The following GALNTL6 variants were observed in gnomAD, a reference collection of about 807,000 sequenced individuals.
GALNTL6 encodes polypeptide N-acetylgalactosaminyltransferase-like 6.
In GALNTL6, 46 loss-of-function variants were observed where a neutral mutation model predicts 73.7. That is an observed-to-expected ratio of 0.62 (90% CI 0.49 to 0.80). The LOEUF (loss-of-function observed/expected upper bound fraction) is 0.80. Ranked by LOEUF, GALNTL6 falls within the 30% of genes least tolerant of loss-of-function variation. GALNTL6 has a pLI of 0.00. For synonymous variants in GALNTL6, 259 were observed against 263.7 expected, an observed-to-expected ratio of 0.98 and a Z score of 0.17; for missense variants, 604 against 755.0, an observed-to-expected ratio of 0.80 and a Z score of 2.34.
Position 172,072,600 on chromosome 4 carries a change from T to C in GALNTL6, c.139-157056T>C, listed in dbSNP as rs1312643881. On this transcript the variant is annotated intron_variant, in intron 2 of 12. Transcript: ENST00000506823. The stretch of plus-strand genomic sequence containing the variant: ...CCTCACAACGTACTGTACTGTCCAC[T>C]CCCAAACCATATACTTCCCAGTAAA... Among the ~76,000 whole-genome samples the C allele has an allele frequency of 3.3e-5, 5 of 152,158 alleles. No individual in the cohort carries two copies. In the East Asian group the frequency reaches 9.6e-4, roughly 29 times the overall value.
intron 5 of GALNTL6, among the ~76,000 whole-genome samples, chr4:172,460,025 C>A (rs760249634): frequency 6.6e-6 from 1 of 152,026 alleles, no homozygotes; most frequent in Admixed American, 6.6e-5. Flanking sequence ...ATATATAGAC[C>A]AATGGAACGG....
intron 2 of GALNTL6, among the ~76,000 whole-genome samples, chr4:171,888,472 G>T (rs1736667084): frequency 6.6e-6 from 1 of 151,592 alleles, no homozygotes; most frequent in Admixed American, 6.6e-5. Context: ...TAATCAAATC[G>T]AGAGGAAGAG....
At chr4:172,766,889 A>C (rs576761057) in intron 5 of GALNTL6, among the ~76,000 whole-genome samples, 1 of 152,350 alleles carries the variant, frequency 6.6e-6, no homozygotes, top group South Asian at 2.1e-4. Flanking sequence ...TATTTGGAGA[A>C]GGAATTTATT....
chr4:172,941,844 A>G (rs1370177941), intron 9 of GALNTL6, among the ~76,000 whole-genome samples: 4 of 152,232 alleles, frequency 2.6e-5, no homozygotes, highest in Non-Finnish European at 5.9e-5. Flanking sequence ...CGTCTAAGCC[A>G]TGGGAGCACC....
At chr4:172,560,912 A>C (rs539414026) in intron 5 of GALNTL6, among the ~76,000 whole-genome samples, 1 of 152,196 alleles carries the variant, frequency 6.6e-6, no homozygotes, top group Non-Finnish European at 1.5e-5. Context: ...CATAGATACT[A>C]TTATTAACAT....
intron 3 of GALNTL6, among the ~76,000 whole-genome samples, chr4:172,262,914 AT>A: frequency 6.6e-6 from 1 of 151,262 alleles, no homozygotes. Context: ...TTGGCTGACA[AT>A]TTTTTTTGTT....
chr4:171,861,076 C>T (rs1252431350), intron 2 of GALNTL6, among the ~76,000 whole-genome samples: 2 of 152,134 alleles, frequency 1.3e-5, no homozygotes, highest in Non-Finnish European at 2.9e-5. Flanking sequence ...TGTCCAATAT[C>T]GTATTGTACA....
intron 2 of GALNTL6, among the ~76,000 whole-genome samples, chr4:171,983,327 G>T (rs1231331165): frequency 6.6e-6 from 1 of 152,092 alleles, no homozygotes; most frequent in Admixed American, 6.6e-5. Context: ...GAACTAGTTT[G>T]CTCTATTCCT....
intron 5 of GALNTL6, among the ~76,000 whole-genome samples, chr4:172,355,951 A>G (rs935714484): frequency 2.6e-5 from 4 of 152,162 alleles, no homozygotes; most frequent in Non-Finnish European, 5.9e-5. Context: ...TGGAAAGTCT[A>G]TCCTGGGCTC....
At chr4:172,128,215 C>G (rs1227734965) in intron 2 of GALNTL6, among the ~76,000 whole-genome samples, 2 of 152,040 alleles carry the variant, frequency 1.3e-5, no homozygotes, top group Non-Finnish European at 2.9e-5. Flanking sequence ...GCTTACTGAT[C>G]AAAGATGCTT....
intron 5 of GALNTL6, among the ~76,000 whole-genome samples, chr4:172,653,114 C>G (rs569577943): frequency 7.2e-5 from 11 of 151,924 alleles, no homozygotes; most frequent in Non-Finnish European, 1.3e-4. Flanking sequence ...TCATCTCCTG[C>G]TTGCTTTAAC....
chr4:171,997,071 C>T (rs1740516738), intron 2 of GALNTL6, among the ~76,000 whole-genome samples: 1 of 152,124 alleles, frequency 6.6e-6, no homozygotes, highest in Non-Finnish European at 1.5e-5. Flanking sequence ...CTGCAGAATA[C>T]TCTTGATTAT....
intron 2 of GALNTL6, among the ~76,000 whole-genome samples, chr4:172,228,185 G>A (rs1736931650): frequency 6.6e-6 from 1 of 151,946 alleles, no homozygotes; most frequent in Non-Finnish European, 1.5e-5. Flanking sequence ...CCCCAAAACT[G>A]TACTTTTCCA....
At position 172,701,663 on chromosome 4, in the gene GALNTL6, C is replaced by T. The variant is rs548089063; in HGVS notation, c.554-107698C>T. On this transcript the variant is annotated intron_variant, in intron 5 of 12. Coordinates refer to ENST00000506823, the MANE Select transcript of GALNTL6 (RefSeq NM_001034845.3). ...AGGACCTCAAGAAATGGAGGTTCCA[C>T]GAAAGAAAACTATTGCCAGGTCTCT... Among the ~76,000 whole-genome samples the T allele has an allele frequency of 3.9e-5, 6 of 152,094 alleles. No individual in the cohort carries two copies. In the South Asian group the frequency reaches 6.2e-4, roughly 16 times the overall value.
chr4:172,847,408 G>T (rs574603407), intron 7 of GALNTL6, among the ~76,000 whole-genome samples: 2 of 151,860 alleles, frequency 1.3e-5, no homozygotes, highest in African/African-American at 4.8e-5. Context: ...GTTAAGACAC[G>T]TGCACAAATG....
chr4:172,476,542 C>T (rs2111472673), intron 5 of GALNTL6, among the ~76,000 whole-genome samples: 1 of 152,254 alleles, frequency 6.6e-6, no homozygotes, highest in Non-Finnish European at 1.5e-5. Flanking sequence ...ACTGTTATAC[C>T]TACTTGTTAA....
intron 5 of GALNTL6, among the ~76,000 whole-genome samples, chr4:172,416,925 A>C (rs1323822338): frequency 6.6e-6 from 1 of 152,164 alleles, no homozygotes; most frequent in Non-Finnish European, 1.5e-5. Context: ...CAAATTCATA[A>C]GCTTGTGTTT....
At chr4:172,950,014 G>A (rs1749366625) in intron 9 of GALNTL6, among the ~76,000 whole-genome samples, 1 of 152,102 alleles carries the variant, frequency 6.6e-6, no homozygotes, top group Non-Finnish European at 1.5e-5. Context: ...ATTTCATACA[G>A]AATGTTTGTC....
intron 2 of GALNTL6, among the ~76,000 whole-genome samples, chr4:172,193,410 C>T (rs895226664): frequency 6.6e-6 from 1 of 152,038 alleles, no homozygotes. Context: ...GAGTGGAACC[C>T]CAGCAAACCA....
Sources: allele counts gnomAD v4.1 joint callset (sites outside exome capture counted in the v4.1 genomes callset), GRCh38; gene constraint gnomAD v4.1.1; transcripts MANE v1.5; gene names NCBI Gene and HGNC (gene_info 2026-07-23, HGNC 2026-07-21).